The following DLEC1 variants were observed in gnomAD, a reference collection of about 807,000 sequenced individuals.
DLEC1 encodes the protein DLEC1 cilia and flagella associated protein.
Under a neutral mutation model 198.1 loss-of-function variants are expected in DLEC1, and 146 were observed. The ratio of observed to expected loss-of-function variants is 0.74; its 90% CI spans 0.64 to 0.85. DLEC1 has a LOEUF of 0.85. DLEC1 is among the 40% of genes least tolerant of loss of function. DLEC1 has a pLI of 0.00. For synonymous variants in DLEC1, 897 were observed against 866.8 expected (o/e 1.03, Z -0.61); for missense variants, 2,233 against 2,220.0 (o/e 1.01, Z -0.12).
At chr3:38,073,431 G>A (rs569593208) in intron 6 of DLEC1, among the ~76,000 whole-genome samples, 1 of 152,214 alleles carries the variant, frequency 6.6e-6, no homozygotes, top group East Asian at 1.9e-4. Context: ...GTGGGGTAAG[G>A]GTGATTAGGT....
chr3:38,091,091 T>C (rs763196902), intron 10 of DLEC1, among the ~76,000 whole-genome samples: 43 of 152,186 alleles, frequency 2.8e-4, no homozygotes, highest in Admixed American at 7.9e-4. Flanking sequence ...GACTTGAAAA[T>C]GTAAAACTAC....
chr3:38,070,515 G>A (rs1431191649), intron 6 of DLEC1, among the ~76,000 whole-genome samples: 1 of 152,196 alleles, frequency 6.6e-6, no homozygotes, highest in African/African-American at 2.4e-5. Flanking sequence ...TCCGTGTGAA[G>A]AGACTGCTAA....
At chr3:38,075,862 G>C (rs1273836557) in intron 6 of DLEC1, among the ~76,000 whole-genome samples, 2 of 151,990 alleles carry the variant, frequency 1.3e-5, no homozygotes, top group African/African-American at 4.8e-5. Context: ...AAGGGGTAGA[G>C]ACTCAGAGAG....
In DLEC1 at chr3:38,109,598, G is replaced by T. The variant is rs1289926678; in HGVS notation, c.3260+36G>T. ...GGTTGGTGGTCTGGGGGTGGCAGTG[G>T]ACTGAGGAATGAGGCAGCCGCGCCC... On this transcript the variant is annotated intron_variant, in intron 22 of 36. Coordinates refer to ENST00000308059, the MANE Select transcript of DLEC1 (RefSeq NM_007335.4). 5 of 1,612,970 alleles carry T rather than the reference G, an allele frequency of 3.1e-6. No homozygotes were observed. The African/African-American group carries it at 6.7e-5, about 22-fold the overall frequency.
chr3:38,103,755 C>T (rs1214298304), intron 19 of DLEC1: 1 of 152,138 alleles, frequency 6.6e-6, no homozygotes, highest in African/African-American at 2.4e-5. Flanking sequence ...ATCAGTTGGT[C>T]TAATTTCAAT....
rs369360979 is a variant in DLEC1 at position 38,043,332 on chromosome 3, C to G, written c.412-2211C>G. Among the ~76,000 whole-genome samples the G allele has an allele frequency of 5.0e-4, 76 of 152,282 alleles. 4 individuals are homozygous for G. In the South Asian group the frequency reaches 0.016, roughly 32 times the overall value. The stretch of plus-strand genomic sequence containing the variant: ...TATTGAGCATTTACAACATGGTAAG[C>G]CCTCAGTAAGTGATAGTTGGTCTTG... On this transcript the variant is annotated intron_variant, in intron 1 of 36. Coordinates refer to ENST00000308059, the MANE Select transcript of DLEC1 (RefSeq NM_007335.4).
At chr3:38,089,862 G>A (rs918855774) in intron 10 of DLEC1, among the ~76,000 whole-genome samples, 2 of 152,168 alleles carry the variant, frequency 1.3e-5, no homozygotes, top group Non-Finnish European at 2.9e-5. Context: ...TTCCAAATAA[G>A]AAATACATTT....
intron 6 of DLEC1, among the ~76,000 whole-genome samples, chr3:38,080,509 G>A (rs1283848939): frequency 3.3e-5 from 5 of 152,156 alleles, no homozygotes; most frequent in Non-Finnish European, 7.3e-5. Flanking sequence ...ACCTCAGACC[G>A]TTTGCCTATT....
At position 38,107,685 on chromosome 3, in the gene DLEC1, C is replaced by A; in HGVS notation, c.2966C>A (p.Thr989Asn). Residue 989 changes from threonine to asparagine, a missense_variant, in exon 20 of 37, where the codon ACC (threonine) becomes AAC (asparagine). Coordinates refer to ENST00000308059, the MANE Select transcript of DLEC1 (RefSeq NM_007335.4). ...TACCTGGGTGTGCCCACGAAGACAA[C>A]CATCACACTTATCAATGGCACGCTC... ...NLYLGVPTKT[T>N]ITLINGTLLP... is the part of the protein sequence containing the mutation. The A allele has an allele frequency of 6.2e-7, 1 of 1,614,164 alleles. No individual in the cohort carries two copies. Among genetic ancestry groups the A allele is most frequent in the Non-Finnish European group, 8.5e-7 (1 of 1,180,018 alleles).
In DLEC1 at chr3:38,117,280, C is replaced by A; in HGVS notation, c.4378C>A (p.His1460Asn). 3 of 1,614,154 alleles carry A rather than the reference C, an allele frequency of 1.9e-6. No individual in the cohort carries two copies. The highest frequency in any genetic ancestry group is 2.5e-6 in the Non-Finnish European group (3 of 1,179,996). ...FAVGPLKLDL[H>N]SYVRPAQLSV... ...GGTGGGACCCCTGAAACTGGACCTGCATAGCTACGTGAGGCCTGCACAGTG... is the reference window on the plus strand; with the variant it reads ...GGTGGGACCCCTGAAACTGGACCTGAATAGCTACGTGAGGCCTGCACAGTG... Residue 1460 changes from histidine to asparagine, a missense_variant, in exon 31 of 37, where the codon CAT becomes AAT. Physicochemically the swap from His to Asn is moderately conservative, Grantham distance 68. Transcript: ENST00000308059.
intron 2 of DLEC1, among the ~76,000 whole-genome samples, chr3:38,052,954 T>C (rs1189809619): frequency 6.6e-6 from 1 of 152,218 alleles, no homozygotes; most frequent in African/African-American, 2.4e-5. Context: ...CACGCCTGAC[T>C]GGTTTTCGTA....
rs1158816600 is a variant in DLEC1 at position 38,100,281 on chromosome 3, G to A, written c.2725-5G>A. The A allele has an allele frequency of 1.9e-6, 3 of 1,606,780 alleles. No homozygotes were observed. Among genetic ancestry groups the A allele is most frequent in the Admixed American group, 3.4e-5 (2 of 58,230 alleles). ...GCTCATCCTCCTGAGTGTTCTCCGG[G>A]GCAGGTGTCTCCCTTCGACATTGAG... is the stretch of plus-strand genomic sequence containing the variant. On this transcript the variant is annotated splice_region_variant and splice_polypyrimidine_tract_variant and intron_variant, in intron 18 of 36. Coordinates refer to ENST00000308059, the MANE Select transcript of DLEC1 (RefSeq NM_007335.4).
In DLEC1 at chr3:38,039,439, G is replaced by C. The variant is rs753276817; in HGVS notation, c.214G>C (p.Ala72Pro). ...CCGCCGCCTCACGCAGCTTGCGCTG[G>C]CGCAGCGTCCCGAGCCTCAGCTGCT... Reference protein sequence around the residue: ...RPRRLTQLALAQRPEPQLLRL... With the variant: ...RPRRLTQLALPQRPEPQLLRL... The change falls in exon 1 of 37, where the codon GCG becomes CCG. Residue 72 changes from alanine to proline, a missense_variant. By Grantham distance (27) the Ala-to-Pro change is conservative. Transcript: ENST00000308059. The C allele has an allele frequency of 3.1e-6, 5 of 1,613,654 alleles. No homozygotes were observed. In the African/African-American group the frequency reaches 5.3e-5, roughly 17 times the overall value.
chr3:38,116,128 C>T (rs764353399), intron 27 of DLEC1, among the ~76,000 whole-genome samples: 9 of 152,058 alleles, frequency 5.9e-5, no homozygotes, highest in Non-Finnish European at 1.3e-4. Flanking sequence ...GGTTAGAGAG[C>T]CCAGCCTGCC....
chr3:38,084,119 G>C, intron 6 of DLEC1, 39 bp from the exon 7 acceptor site: 2 of 1,581,096 alleles, frequency 1.3e-6, no homozygotes, highest in South Asian at 1.1e-5. Flanking sequence ...TCGTCTATAA[G>C]TGTTGCTGTC....
In DLEC1 at chr3:38,123,233, A is replaced by G. The variant is rs903042056; in HGVS notation, c.*821A>G. On this transcript the variant is annotated 3_prime_UTR_variant, in exon 37 of 37. Transcript: ENST00000308059. Reference sequence around the variant, plus strand: ...AAGTAGGATGCAAAACCATCAGACCAGATCTGTGGGCAAGCGGTACCCTGG... The same window carrying G: ...AAGTAGGATGCAAAACCATCAGACCGGATCTGTGGGCAAGCGGTACCCTGG... The G allele has an allele frequency of 6.6e-6, 7 of 1,060,882 alleles. No homozygotes were observed. In the Admixed American group the frequency reaches 1.3e-4, roughly 19 times the overall value. The allele number at this position is 1,060,882 out of a possible 1,614,324, so 65.7% of individuals were successfully genotyped here.
intron 6 of DLEC1, among the ~76,000 whole-genome samples, chr3:38,080,391 G>A (rs1697905724): frequency 6.6e-6 from 1 of 152,120 alleles, no homozygotes; most frequent in Non-Finnish European, 1.5e-5. Flanking sequence ...CTTGGGGTTG[G>A]GACTGAGGGG....
chr3:38,040,081 C>A (rs1255739295), intron 1 of DLEC1, among the ~76,000 whole-genome samples: 1 of 152,126 alleles, frequency 6.6e-6, no homozygotes, highest in Non-Finnish European at 1.5e-5. Flanking sequence ...TCTGCTTCCT[C>A]ATCTGTACAA....
At chr3:38,056,989 A>C (rs1696404703) in intron 2 of DLEC1, among the ~76,000 whole-genome samples, 1 of 152,252 alleles carries the variant, frequency 6.6e-6, no homozygotes, top group African/African-American at 2.4e-5. Flanking sequence ...AATGAAGGCC[A>C]GTGGGCGAGA....
Sources: allele counts gnomAD v4.1 joint callset (sites outside exome capture counted in the v4.1 genomes callset), GRCh38; gene constraint gnomAD v4.1.1; transcripts MANE v1.5; gene names NCBI Gene and HGNC (gene_info 2026-07-23, HGNC 2026-07-21).